The following AJAP1 variants were observed in gnomAD, a reference collection of about 807,000 sequenced individuals.
AJAP1 encodes adherens junction-associated protein 1.
A neutral mutation model predicts 35.0 loss-of-function variants in AJAP1; 5 were observed. The observed-to-expected ratio is 0.14, with a 90% CI of 0.07 to 0.30. The LOEUF (loss-of-function observed/expected upper bound fraction) is 0.30, where lower values mean the gene tolerates loss of function less well. Ranked by LOEUF, AJAP1 falls within the 10% of genes least tolerant of loss-of-function variation. AJAP1 has a pLI of 1.00. For missense variants in AJAP1, 586 were observed against 571.0 expected (o/e 1.03, Z -0.27); for synonymous variants, 284 against 249.3 (o/e 1.14, Z -1.31).
intron 2 of AJAP1, among the ~76,000 whole-genome samples, chr1:4,726,770 C>T (rs1412883418): frequency 2.0e-5 from 3 of 152,194 alleles, no homozygotes; most frequent in East Asian, 1.9e-4. Context: ...AAACTGCAGC[C>T]GAGAGCCGGG....
chr1:4,783,832 G>A lies in AJAP1; in HGVS notation c.*1347G>A, dbSNP rs1386657339. The A allele has an allele frequency of 2.6e-5, 4 of 151,998 alleles. No individual in the cohort carries two copies. The highest frequency in any genetic ancestry group is 7.2e-5 in the African/African-American group (3 of 41,394). The allele number at this position is 151,998 out of a possible 1,614,324, so 9.4% of individuals were successfully genotyped here. A position where few individuals can be genotyped will look rare whatever the true frequency, so the allele number is the denominator to read the frequency against. On this transcript the variant is annotated 3_prime_UTR_variant, in exon 6 of 6. Transcript: ENST00000378191. ...ATATCAGGGCAGAACTTAGACATAC[G>A]TGAAGGGCCCCGGTTGGTTTGAAAA... is the stretch of plus-strand genomic sequence containing the variant.
intron 2 of AJAP1, among the ~76,000 whole-genome samples, chr1:4,756,355 A>T (rs912466423): frequency 2.6e-5 from 4 of 152,184 alleles, no homozygotes. Flanking sequence ...ACCAGTGCTC[A>T]GGGTGCCTGG....
Position 4,754,894 on chromosome 1 carries a change from C to G in AJAP1, c.830-14959C>G, listed in dbSNP as rs549298617. Among the ~76,000 whole-genome samples the G allele has an allele frequency of 1.1e-4, 16 of 152,328 alleles. No homozygotes were observed. In the East Asian group the frequency reaches 2.9e-3, roughly 28 times the overall value. On this transcript the variant is annotated intron_variant, in intron 2 of 5. Coordinates refer to ENST00000378191, the MANE Select transcript of AJAP1 (RefSeq NM_018836.4). The stretch of plus-strand genomic sequence containing the variant: ...CTGGGGCATTTGTGGGGACAGTGCT[C>G]ACAGCCACCACTCCCTGGGCCTTTC...
chr1:4,700,504 C>T (rs1639962465), intron 1 of AJAP1, among the ~76,000 whole-genome samples: 1 of 152,200 alleles, frequency 6.6e-6, no homozygotes, highest in African/African-American at 2.4e-5. Flanking sequence ...ACCTTGCCCT[C>T]CCAGAGCTCT....
chr1:4,667,213 T>C (rs899133105), intron 1 of AJAP1, among the ~76,000 whole-genome samples: 1 of 152,108 alleles, frequency 6.6e-6, no homozygotes, highest in Non-Finnish European at 1.5e-5. Context: ...GTTGCCATGA[T>C]TCCCAGGCTC....
Position 4,784,256 on chromosome 1 carries a change from AG to A in AJAP1, c.*1774del, listed in dbSNP as rs1642124227. On this transcript the variant is annotated 3_prime_UTR_variant, in exon 6 of 6. Coordinates refer to ENST00000378191, the MANE Select transcript of AJAP1 (RefSeq NM_018836.4). ...ACTTGCTGTCAACAGCGGGTGCTGT[AG>A]GGATCTAGGGATGCATCTCATGGCC... is the stretch of plus-strand genomic sequence containing the variant. 6.6e-6 allele frequency: 1 copy of A among 152,248 alleles called. No individual in the cohort carries two copies. The highest frequency in any genetic ancestry group is 1.5e-5 in the Non-Finnish European group (1 of 68,048). The allele number at this position is 152,248 out of a possible 1,614,324, so 9.4% of individuals were successfully genotyped here. A position where few individuals can be genotyped will look rare whatever the true frequency, so the allele number is the denominator to read the frequency against.
intron 1 of AJAP1, among the ~76,000 whole-genome samples, chr1:4,681,421 C>T (rs559722497): frequency 4.1e-4 from 62 of 152,282 alleles, no homozygotes; most frequent in Middle Eastern, 3.4e-3. Flanking sequence ...CCACCCTGGA[C>T]GCAGGCCTCT....
intron 1 of AJAP1, among the ~76,000 whole-genome samples, chr1:4,670,156 C>T (rs114153623): frequency 0.017 from 2,653 of 152,294 alleles, 30 homozygotes; most frequent in Non-Finnish European, 0.026. Context: ...GGCTCCTTCC[C>T]CATCTCATCC....
rs1312403936 is a variant in AJAP1 at position 4,723,525 on chromosome 1, T to A, written c.829+10826T>A. Among the ~76,000 whole-genome samples the A allele has an allele frequency of 6.6e-6, 1 of 152,020 alleles. No homozygotes were observed. Among genetic ancestry groups the A allele is most frequent in the Admixed American group, 6.6e-5 (1 of 15,262 alleles). ...GCCAGGAGGCTGCAGGAGAAAGCTG[T>A]TCCCAGAGCATGGAGGGGTCCTCGT... On this transcript the variant is annotated intron_variant, in intron 2 of 5. Transcript: ENST00000378191. This position sits in a 1 kb window ranked among gnomAD's most constrained non-coding sequence, Gnocchi z 4.3.
intron 1 of AJAP1, among the ~76,000 whole-genome samples, chr1:4,691,188 G>A (rs1029878717): frequency 6.6e-6 from 1 of 152,174 alleles, no homozygotes; most frequent in African/African-American, 2.4e-5. Flanking sequence ...TCAGGCTCCC[G>A]GAACAGACTC....
Position 4,774,041 on chromosome 1 carries a change from G to A in AJAP1, c.1164-386G>A, listed in dbSNP as rs187636377. ...ATGGGCGAGACATTTTGGGAGCCAG[G>A]TTCTATCCTTTCTGTCATGTGCAAT... On this transcript the variant is annotated intron_variant, in intron 4 of 5. Transcript: ENST00000378191. 3.3e-4 allele frequency among the ~76,000 whole-genome samples: 50 copies of A among 152,346 alleles called. 1 individual carries two copies. In the Middle Eastern group the frequency reaches 0.017, roughly 52 times the overall value.
At chr1:4,698,110 C>T (rs1342475080) in intron 1 of AJAP1, among the ~76,000 whole-genome samples, 1 of 152,206 alleles carries the variant, frequency 6.6e-6, no homozygotes, top group Non-Finnish European at 1.5e-5. Context: ...GAAGATGAGA[C>T]AGAACCACGG....
rs1640565909 is a variant in AJAP1 at position 4,723,307 on chromosome 1, C to T, written c.829+10608C>T. Among the ~76,000 whole-genome samples, 1 of 152,196 alleles carries T rather than the reference C, an allele frequency of 6.6e-6. No individual in the cohort carries two copies. Among genetic ancestry groups the T allele is most frequent in the Admixed American group, 6.5e-5 (1 of 15,284 alleles). The stretch of plus-strand genomic sequence containing the variant: ...CGTCCAAGGGGAGCGCCTGTGGATA[C>T]TCCTTGGATTCCTGAGTCTGCCACT... On this transcript the variant is annotated intron_variant, in intron 2 of 5. Transcript: ENST00000378191. The surrounding 1 kb of genome is among the most constrained non-coding windows in gnomAD (Gnocchi z 4.3).
intron 2 of AJAP1, among the ~76,000 whole-genome samples, chr1:4,725,705 G>A (rs557712796): frequency 5.3e-5 from 8 of 152,160 alleles, no homozygotes; most frequent in South Asian, 4.2e-4. Context: ...GTTCTCCACC[G>A]TCCTGGAGGC....
intron 5 of AJAP1, among the ~76,000 whole-genome samples, chr1:4,780,837 A>G (rs1642044441): frequency 6.6e-6 from 1 of 152,076 alleles, no homozygotes; most frequent in Admixed American, 6.5e-5. Context: ...CATGTTGGCC[A>G]GGATGTCTCC....
chr1:4,736,154 C>G (rs1010789723), intron 2 of AJAP1, among the ~76,000 whole-genome samples: 1 of 152,268 alleles, frequency 6.6e-6, no homozygotes, highest in South Asian at 2.1e-4. Context: ...GTAAAGGCTG[C>G]AGAGGTGTCC....
intron 1 of AJAP1, among the ~76,000 whole-genome samples, chr1:4,696,911 T>A (rs745914438): frequency 6.6e-6 from 1 of 152,050 alleles, no homozygotes; most frequent in Non-Finnish European, 1.5e-5. Context: ...ACTGTGTACA[T>A]GCATGCATGT....
intron 1 of AJAP1, among the ~76,000 whole-genome samples, chr1:4,705,446 C>T (rs1640082087): frequency 7.3e-6 from 1 of 136,674 alleles, no homozygotes; most frequent in Non-Finnish European, 1.5e-5. Flanking sequence ...TACTCCTCCC[C>T]CTCCAAGAAT....
intron 5 of AJAP1, among the ~76,000 whole-genome samples, chr1:4,780,611 T>C (rs1218720724): frequency 6.6e-6 from 1 of 150,394 alleles, no homozygotes; most frequent in Non-Finnish European, 1.5e-5. Context: ...TTTTTTTTCT[T>C]TTTTCTTTTC....
Sources: gnomAD v4.1 joint callset for allele counts (sites outside exome capture counted in the v4.1 genomes callset) on GRCh38, gnomAD v4.1.1 for gene constraint, Gnocchi (gnomAD v3.1) non-coding constraint, MANE v1.5 for transcripts, NCBI Gene and HGNC (gene_info 2026-07-23, HGNC 2026-07-21) for gene names.